Variants in PCDHGA2 observed in about 807,000 individuals in gnomAD.
The protein encoded by PCDHGA2 is protocadherin gamma subfamily A, 2.
PCDHGA2 carries 40 observed loss-of-function variants against 59.2 expected under a neutral mutation model. That is an observed-to-expected ratio of 0.68 (90% CI 0.52 to 0.88). The LOEUF is 0.88. PCDHGA2 is among the 40% of genes least tolerant of loss of function. The probability of loss-of-function intolerance (pLI) is 0.00; values close to 1 mark genes in which losing one functional copy is unlikely to be tolerated. For synonymous variants in PCDHGA2, 560 were observed against 526.0 expected, an observed-to-expected ratio of 1.06 and a Z score of -0.89; for missense variants, 1,226 against 1,204.0, an observed-to-expected ratio of 1.02 and a Z score of -0.27.
chr5:141,468,486 TG>T (rs1562016448), intron 1 of PCDHGA2: 14 of 152,288 alleles, frequency 9.2e-5, no homozygotes. Context: ...GTAGGTCTCA[TG>T]GAAGATTTTC....
intron 1 of PCDHGA2, among the ~76,000 whole-genome samples, chr5:141,467,789 G>A (rs1264350552): frequency 6.6e-6 from 1 of 152,066 alleles, no homozygotes; most frequent in Non-Finnish European, 1.5e-5. Context: ...CTCTCAAGTA[G>A]CTGGGACTAC....
At chr5:141,416,011 G>A (rs2095982763) in intron 1 of PCDHGA2, 2 of 239,912 alleles carry the variant, frequency 8.3e-6, no homozygotes, top group Non-Finnish European at 7.8e-6. Flanking sequence ...GGTAAGAATA[G>A]GTAAGTATCA....
intron 1 of PCDHGA2, chr5:141,367,888 TG>T (rs1765380243): frequency 6.6e-6 from 1 of 152,184 alleles, no homozygotes; most frequent in African/African-American, 2.4e-5. Flanking sequence ...CTTTATTACT[TG>T]AGTTTAAGGT....
chr5:141,394,393 A>G lies in PCDHGA2; in HGVS notation c.2424+52998A>G, dbSNP rs201461446. ...TCTTTCGACTATGAGCAGATCCGAG[A>G]CCTGCAGCTACTGGTAACAGCCAGC... On this transcript the variant is annotated intron_variant, in intron 1 of 3. Coordinates refer to ENST00000394576, the MANE Select transcript of PCDHGA2 (RefSeq NM_018915.4). The G allele has an allele frequency of 4.3e-4, 696 of 1,614,048 alleles. No individual in the cohort carries two copies. The highest frequency in any genetic ancestry group is 5.7e-4 in the Non-Finnish European group (671 of 1,180,036).
At chr5:141,374,231 A>T (rs1335997807) in intron 1 of PCDHGA2, 1 of 1,613,834 alleles carries the variant, frequency 6.2e-7, no homozygotes, top group East Asian at 2.2e-5. Flanking sequence ...CAACATCGTC[A>T]AGGATCTGGG....
rs1756836634 is a variant in PCDHGA2, at chr5:141,339,439, T to C, written c.468T>C (p.Asn156=). Residue 156 remains asparagine, a synonymous_variant, in exon 1 of 4, where the codon AAT becomes AAC. Coordinates refer to ENST00000394576, the MANE Select transcript of PCDHGA2 (RefSeq NM_018915.4). The part of the protein sequence containing the change: ...TTPGFRIPLK[N]AHDADVGENA... ...CAGGATTCCGGATTCCTCTTAAGAATGCGCATGATGCAGACGTAGGTGAGA... is the reference window on the plus strand; with the variant it reads ...CAGGATTCCGGATTCCTCTTAAGAACGCGCATGATGCAGACGTAGGTGAGA... The C allele has an allele frequency of 1.2e-6, 2 of 1,614,224 alleles. No homozygotes were observed. The highest frequency in any genetic ancestry group is 1.1e-5 in the South Asian group (1 of 91,082).
intron 1 of PCDHGA2, chr5:141,428,236 G>A (rs1474911413): frequency 9.7e-7 from 1 of 1,026,978 alleles, no homozygotes; most frequent in Admixed American, 1.9e-5. Context: ...CAGCCTGCAG[G>A]AGGCACTGCC....
intron 1 of PCDHGA2, among the ~76,000 whole-genome samples, chr5:141,347,668 T>G (rs897113991): frequency 1.3e-5 from 2 of 151,640 alleles, no homozygotes; most frequent in Admixed American, 1.3e-4. Flanking sequence ...GCGCCTGTAA[T>G]CCAAGCTACT....
intron 1 of PCDHGA2, chr5:141,478,712 G>A (rs1160573848): frequency 3.2e-6 from 5 of 1,547,048 alleles, no homozygotes; most frequent in Non-Finnish European, 4.4e-6. Flanking sequence ...TTTGTGAGAT[G>A]GTGGCCTGCC....
chr5:141,375,612 A>AC (rs1771652841), intron 1 of PCDHGA2: 1 of 1,614,014 alleles, frequency 6.2e-7, no homozygotes. Flanking sequence ...ATCAACTCCG[A>AC]CACTGGGATT....
chr5:141,385,508 G>T (rs1430201636), intron 1 of PCDHGA2: 6 of 1,372,088 alleles, frequency 4.4e-6, no homozygotes, highest in Non-Finnish European at 5.6e-6. Flanking sequence ...TATTTCTTTA[G>T]TGAAAGCCTA....
chr5:141,341,865 G>C (rs1006777497), intron 1 of PCDHGA2: 6 of 170,896 alleles, frequency 3.5e-5, no homozygotes, highest in Admixed American at 2.9e-4. Context: ...TTCTCATTCA[G>C]TCTTAATACA....
chr5:141,372,537 C>A lies in PCDHGA2; in HGVS notation c.2424+31142C>A, dbSNP rs138338803. 3.0e-3 allele frequency: 4,858 copies of A among 1,614,046 alleles called. 5 individuals carry two copies. The highest frequency in any genetic ancestry group is 4.8e-3 in the Admixed American group (290 of 60,038). On this transcript the variant is annotated intron_variant, in intron 1 of 3. Coordinates refer to ENST00000394576, the MANE Select transcript of PCDHGA2 (RefSeq NM_018915.4). The stretch of plus-strand genomic sequence containing the variant: ...GGTGATTCTGGCAATCTCCCTGCGC[C>A]TGCGATGCTCCTCCAGACCCGCCAC...
chr5:141,501,288 TATACACAC>T (rs1482707793), intron 2 of PCDHGA2, among the ~76,000 whole-genome samples: 1 of 81,228 alleles, frequency 1.2e-5, no homozygotes, highest in African/African-American at 4.9e-5. Flanking sequence ...GATATTCCCT[TATACACAC>T]ACACACACAC....
chr5:141,400,121 A>C lies in PCDHGA2; in HGVS notation c.2424+58726A>C. On this transcript the variant is annotated intron_variant, in intron 1 of 3. Coordinates refer to ENST00000394576, the MANE Select transcript of PCDHGA2 (RefSeq NM_018915.4). Reference sequence around the variant, plus strand: ...CACTTGGTCTTTGCTGACAGCTTGCAGGAGGTGCTGCCGGATATCACTGAC... The same window carrying C: ...CACTTGGTCTTTGCTGACAGCTTGCCGGAGGTGCTGCCGGATATCACTGAC... 1.2e-6 allele frequency: 2 copies of C among 1,614,054 alleles called. No individual in the cohort carries two copies. The highest frequency in any genetic ancestry group is 1.7e-6 in the Non-Finnish European group (2 of 1,179,890).
chr5:141,361,078 T>C (rs898442312), intron 1 of PCDHGA2: 6 of 1,613,886 alleles, frequency 3.7e-6, no homozygotes, highest in Admixed American at 1.7e-5. Context: ...TGCAAGTAGT[T>C]ACACTCTGAG....
At chr5:141,494,937 G>A (rs759078748) in intron 2 of PCDHGA2, 72 bp downstream of exon 2, 130 of 1,612,276 alleles carry the variant, frequency 8.1e-5, no homozygotes, top group Non-Finnish European at 1.1e-4. Context: ...GAGGAGATGG[G>A]GGAGGGCCCA....
At chr5:141,439,190 CAA>C (rs200519543) in intron 1 of PCDHGA2, among the ~76,000 whole-genome samples, 3 of 111,702 alleles carry the variant, frequency 2.7e-5, no homozygotes, top group Non-Finnish European at 4.0e-5. Flanking sequence ...GAGACTCTGA[CAA>C]AAAAAAAAAA....
chr5:141,382,964 C>A (rs373652237), intron 1 of PCDHGA2: 1 of 1,608,238 alleles, frequency 6.2e-7, no homozygotes. Context: ...CTCCTGGGGA[C>A]CCCCTGGGAA....
Sources: allele counts gnomAD v4.1 joint callset (sites outside exome capture counted in the v4.1 genomes callset), GRCh38; gene constraint gnomAD v4.1.1; transcripts MANE v1.5; gene names NCBI Gene and HGNC (gene_info 2026-07-23, HGNC 2026-07-21).